The following USH2A variants were observed in gnomAD, a reference collection of about 807,000 sequenced individuals.
The protein encoded by USH2A is Usher syndrome 2A (autosomal recessive, mild).
In USH2A, 443 loss-of-function variants were observed where a neutral mutation model predicts 538.9. The observed-to-expected ratio is 0.82, with a 90% CI of 0.76 to 0.89. The LOEUF (loss-of-function observed/expected upper bound fraction) is 0.89. Ranked by LOEUF, USH2A falls within the 40% of genes least tolerant of loss-of-function variation. The probability of loss-of-function intolerance (pLI) is 0.00; values close to 1 mark genes in which losing one functional copy is unlikely to be tolerated. For missense variants in USH2A, 6,633 were observed against 6,324.8 expected, an observed-to-expected ratio of 1.05 and a Z score of -1.65; for synonymous variants, 2,413 against 2,273.5, an observed-to-expected ratio of 1.06 and a Z score of -1.75.
At chr1:216,270,938 T>C (rs1230211450) in intron 11 of USH2A, among the ~76,000 whole-genome samples, 1 of 152,100 alleles carries the variant, frequency 6.6e-6, no homozygotes, top group Non-Finnish European at 1.5e-5. Context: ...AACACCTGGG[T>C]ACACAAAAGA....
At chr1:215,946,917 A>T (rs1232157215) in intron 37 of USH2A, among the ~76,000 whole-genome samples, 2 of 152,220 alleles carry the variant, frequency 1.3e-5, no homozygotes, top group Non-Finnish European at 2.9e-5. Context: ...GAAATATCCT[A>T]TAAGTGTAAA....
chr1:215,808,018 G>A (rs548453535), intron 49 of USH2A, among the ~76,000 whole-genome samples: 8 of 152,066 alleles, frequency 5.3e-5, no homozygotes, highest in Non-Finnish European at 1.2e-4. Flanking sequence ...ACTAAGAGGT[G>A]AAAGAAATGG....
intron 21 of USH2A, among the ~76,000 whole-genome samples, chr1:216,120,219 CAAAAAA>C (rs10525093): frequency 3.0e-5 from 3 of 100,026 alleles, no homozygotes; most frequent in Non-Finnish European, 5.8e-5. Flanking sequence ...TACTAAATAG[CAAAAAA>C]AAAAAAAAAA....
chr1:216,336,087 T>C (rs761594283), intron 4 of USH2A, among the ~76,000 whole-genome samples: 45 of 151,498 alleles, frequency 3.0e-4, no homozygotes, highest in Admixed American at 5.3e-4. Flanking sequence ...AGTGGAATTA[T>C]CACAAGGATG....
At chr1:216,094,955 GGTGTGTGT>G (rs34985923) in intron 22 of USH2A, among the ~76,000 whole-genome samples, 3 of 147,764 alleles carry the variant, frequency 2.0e-5, no homozygotes, top group Admixed American at 6.8e-5. Context: ...TGCGTGTGTA[GGTGTGTGT>G]GTGTGTGTGT....
Position 215,900,068 on chromosome 1 carries a change from C to A in USH2A, c.7594+7G>T, listed in dbSNP as rs2102469449. 1 of 1,613,450 alleles carries A rather than the reference C, an allele frequency of 6.2e-7. No homozygotes were observed. The highest frequency in any genetic ancestry group is 1.3e-5 in the African/African-American group (1 of 74,942). ...ACATTTGGCTGTGTATTGTTCAGAC[C>A]ACTTACTGTCCTCTGCGGTCATGAA... On this transcript the variant is annotated splice_region_variant and intron_variant, in intron 40 of 71. Transcript: ENST00000307340.
intron 21 of USH2A, among the ~76,000 whole-genome samples, chr1:216,172,371 T>A (rs1007014099): frequency 6.6e-6 from 1 of 152,088 alleles, no homozygotes; most frequent in African/African-American, 2.4e-5. Context: ...ATATTTGTAT[T>A]TGAGTACTAA....
intron 37 of USH2A, among the ~76,000 whole-genome samples, chr1:215,956,979 G>A (rs1009124994): frequency 6.6e-5 from 10 of 151,988 alleles, no homozygotes; most frequent in South Asian, 6.2e-4. Context: ...ATTATTGCCC[G>A]TTTATATTTT....
chr1:216,090,432 A>T (rs67020027), intron 22 of USH2A, among the ~76,000 whole-genome samples: 3 of 133,056 alleles, frequency 2.3e-5, no homozygotes, highest in African/African-American at 5.9e-5. Context: ...TTACCAAAGT[A>T]AAAAAAAAAA....
At chr1:216,235,978 A>G (rs933461147) in intron 13 of USH2A, among the ~76,000 whole-genome samples, 5 of 152,152 alleles carry the variant, frequency 3.3e-5, no homozygotes, top group African/African-American at 1.2e-4. Context: ...TATTGTTTGT[A>G]AACTATATTT....
At chr1:216,087,921 G>T (rs961048543) in intron 23 of USH2A, among the ~76,000 whole-genome samples, 3 of 152,006 alleles carry the variant, frequency 2.0e-5, no homozygotes, top group African/African-American at 7.2e-5. Context: ...TTTAAAGAAA[G>T]CCGTCATATT....
intron 37 of USH2A, among the ~76,000 whole-genome samples, chr1:215,935,695 T>C (rs1033965724): frequency 2.0e-5 from 3 of 152,050 alleles, no homozygotes; most frequent in Non-Finnish European, 4.4e-5. Flanking sequence ...GGGCTACAGA[T>C]GAAAATTGTA....
intron 27 of USH2A, among the ~76,000 whole-genome samples, chr1:216,074,397 C>T (rs2031679444): frequency 6.6e-6 from 1 of 151,948 alleles, no homozygotes; most frequent in Admixed American, 6.6e-5. Context: ...ACATGATCAG[C>T]TCTTTTCAAG....
intron 32 of USH2A, among the ~76,000 whole-genome samples, chr1:216,033,633 T>C (rs1254045231): frequency 6.6e-6 from 1 of 151,920 alleles, no homozygotes; most frequent in African/African-American, 2.4e-5. Context: ...TGCAGATCTC[T>C]TGAGCTCAGG....
intron 19 of USH2A, among the ~76,000 whole-genome samples, chr1:216,192,707 A>C (rs80062379): frequency 1.7e-3 from 255 of 152,188 alleles, no homozygotes; most frequent in African/African-American, 6.0e-3. Context: ...GTCTCAAAGA[A>C]ATAAAAATAA....
intron 35 of USH2A, among the ~76,000 whole-genome samples, chr1:215,988,914 C>G (rs1219544143): frequency 6.6e-6 from 1 of 152,110 alleles, no homozygotes; most frequent in Non-Finnish European, 1.5e-5. Context: ...GGGAGAGGAT[C>G]TTTTCTTAAA....
chr1:216,405,675 C>T (rs1029333858), intron 3 of USH2A, among the ~76,000 whole-genome samples: 8 of 152,268 alleles, frequency 5.3e-5, no homozygotes, highest in African/African-American at 1.9e-4. Context: ...CGCTATTGCA[C>T]TCTTGAGCAT....
intron 51 of USH2A, among the ~76,000 whole-genome samples, chr1:215,789,594 T>C (rs1661915726): frequency 6.6e-6 from 1 of 152,198 alleles, no homozygotes; most frequent in Admixed American, 6.5e-5. Context: ...TTGCTCATCT[T>C]GCATTGTCCA....
intron 6 of USH2A, among the ~76,000 whole-genome samples, chr1:216,324,652 A>C (rs1370085186): frequency 6.6e-6 from 1 of 152,182 alleles, no homozygotes; most frequent in Non-Finnish European, 1.5e-5. Context: ...ATTTAGAAAA[A>C]GCACCTTAGT....
Sources: allele counts gnomAD v4.1 joint callset (sites outside exome capture counted in the v4.1 genomes callset), GRCh38; gene constraint gnomAD v4.1.1; transcripts MANE v1.5; gene names NCBI Gene and HGNC (gene_info 2026-07-23, HGNC 2026-07-21).